Variants in SLIT3 observed in about 807,000 individuals in gnomAD.
SLIT3 encodes the protein slit guidance ligand 3, also known as slit homolog 3 protein.
In SLIT3, 68 loss-of-function variants were observed where a neutral mutation model predicts 184.0. The ratio of observed to expected loss-of-function variants is 0.37; its 90% CI spans 0.30 to 0.45. The LOEUF (loss-of-function observed/expected upper bound fraction) is 0.45. Ranked by LOEUF, SLIT3 falls within the 20% of genes least tolerant of loss-of-function variation. The pLI, the probability that SLIT3 is intolerant of heterozygous loss-of-function variation, is 1.00. For missense variants in SLIT3, 1,707 were observed against 2,026.0 expected, an observed-to-expected ratio of 0.84 and a Z score of 3.02; for synonymous variants, 831 against 828.6, an observed-to-expected ratio of 1.00 and a Z score of -0.05.
At chr5:169,003,973 C>G (rs924762865) in intron 4 of SLIT3, among the ~76,000 whole-genome samples, 1 of 152,168 alleles carries the variant, frequency 6.6e-6, no homozygotes, top group African/African-American at 2.4e-5. Context: ...ACCCAGGCCC[C>G]TGCTGACTGA....
rs1196844630 is a variant in SLIT3, at chr5:169,284,083, A to C, written c.197+16430T>G. ...CCAATAAAACAATGCTGTAAAAAAA[A>C]GGCACTGACAAAAAACAGACACAAG... On this transcript the variant is annotated intron_variant, in intron 1 of 35. Transcript: ENST00000519560. Among the ~76,000 whole-genome samples the C allele has an allele frequency of 4.6e-5, 7 of 152,368 alleles. No individual in the cohort carries two copies. In the East Asian group the frequency reaches 1.3e-3, roughly 29 times the overall value.
intron 34 of SLIT3, among the ~76,000 whole-genome samples, chr5:168,670,474 A>C (rs771679802): frequency 3.3e-5 from 5 of 152,150 alleles, no homozygotes; most frequent in Non-Finnish European, 5.9e-5. Flanking sequence ...CATTTCACCC[A>C]TGGAAAAAAA....
intron 4 of SLIT3, among the ~76,000 whole-genome samples, chr5:169,117,057 A>C (rs1324535807): frequency 1.3e-5 from 2 of 152,152 alleles, no homozygotes; most frequent in South Asian, 4.1e-4. Context: ...TCCACCAGGG[A>C]CACACAGCAA....
chr5:169,028,655 T>C (rs1337143030), intron 4 of SLIT3, among the ~76,000 whole-genome samples: 2 of 152,228 alleles, frequency 1.3e-5, no homozygotes, highest in South Asian at 2.1e-4. Flanking sequence ...CATGTCCACT[T>C]TCCTAGGAAG....
intron 5 of SLIT3, among the ~76,000 whole-genome samples, chr5:168,873,011 T>C (rs1759589491): frequency 6.6e-6 from 1 of 152,188 alleles, no homozygotes; most frequent in Admixed American, 6.5e-5. Context: ...CTTCACAGCC[T>C]GCTCCTACCT....
chr5:168,939,515 A>G (rs897290507), intron 4 of SLIT3, among the ~76,000 whole-genome samples: 18 of 152,250 alleles, frequency 1.2e-4, no homozygotes, highest in Non-Finnish European at 1.5e-5. Flanking sequence ...TGCAAACAAG[A>G]TAGAGGAAGA....
chr5:168,794,742 T>A (rs1477385017), intron 10 of SLIT3, among the ~76,000 whole-genome samples: 1 of 152,072 alleles, frequency 6.6e-6, no homozygotes, highest in Non-Finnish European at 1.5e-5. Context: ...ACAAGCCCCA[T>A]CCTCTCCCCT....
chr5:169,141,536 G>A (rs572047739), intron 4 of SLIT3, among the ~76,000 whole-genome samples: 12 of 151,614 alleles, frequency 7.9e-5, no homozygotes, highest in Admixed American at 5.3e-4. Context: ...TCAGGAGATC[G>A]AGACCATCCT....
rs59047961 is a variant in SLIT3 at position 168,952,550 on chromosome 5, A to AAAAAAAAAAAAAAAAAAAG, written c.414-69215_414-69214insCTTTTTTTTTTTTTTTTTT. Among the ~76,000 whole-genome samples the AAAAAAAAAAAAAAAAAAAG allele has an allele frequency of 6.2e-5, 8 of 128,002 alleles. 1 individual carries two copies. The highest frequency in any genetic ancestry group is 2.8e-4 in the African/African-American group (8 of 28,726). 84.0% of individuals were successfully genotyped at this position (128,002 alleles called of 152,430 possible). On this transcript the variant is annotated intron_variant, in intron 4 of 35. Coordinates refer to ENST00000519560, the MANE Select transcript of SLIT3 (RefSeq NM_003062.4). ...TGCCAAAAAAAAAAAAAAAAAAAAG[A>AAAAAAAAAAAAAAAAAAAG]GGGGAGAAGGCAAAGGGATTTAAAA...
chr5:169,068,820 A>T (rs1758443124), intron 4 of SLIT3, among the ~76,000 whole-genome samples: 1 of 146,458 alleles, frequency 6.8e-6, no homozygotes. Flanking sequence ...AACCCTCTTA[A>T]ATATCCACAT....
rs573696938 is a variant in SLIT3, at chr5:169,197,219, G to A, written c.342-3669C>T. ...GCCCACTGCTTCATAAACCCTGAATGAGGATTCTGGGACAGATGGGTGGGG... is the reference window on the plus strand; with the variant it reads ...GCCCACTGCTTCATAAACCCTGAATAAGGATTCTGGGACAGATGGGTGGGG... On this transcript the variant is annotated intron_variant, in intron 3 of 35. Coordinates refer to ENST00000519560, the MANE Select transcript of SLIT3 (RefSeq NM_003062.4). Among the ~76,000 whole-genome samples the A allele has an allele frequency of 1.5e-4, 23 of 152,278 alleles. No homozygotes were observed. The East Asian group carries it at 4.4e-3, about 29-fold the overall frequency.
At chr5:169,137,405 C>A (rs890486458) in intron 4 of SLIT3, among the ~76,000 whole-genome samples, 1 of 151,500 alleles carries the variant, frequency 6.6e-6, no homozygotes, top group Non-Finnish European at 1.5e-5. Flanking sequence ...CTATTTCCGG[C>A]AAGATCCCTG....
intron 5 of SLIT3, among the ~76,000 whole-genome samples, chr5:168,876,183 C>A (rs1759724075): frequency 6.6e-6 from 1 of 152,116 alleles, no homozygotes; most frequent in Non-Finnish European, 1.5e-5. Context: ...TGAGTCCCTG[C>A]AGTTTGACTC....
chr5:168,977,294 C>T (rs753354448), intron 4 of SLIT3, among the ~76,000 whole-genome samples: 3 of 152,156 alleles, frequency 2.0e-5, no homozygotes, highest in Non-Finnish European at 4.4e-5. Context: ...GATTGCTCTG[C>T]CTGCCCCATC....
chr5:169,098,100 A>G (rs1043042686), intron 4 of SLIT3, among the ~76,000 whole-genome samples: 6 of 152,200 alleles, frequency 3.9e-5, no homozygotes, highest in Admixed American at 1.3e-4. Context: ...GGCCTTCCCA[A>G]TGGGTATCCC....
intron 1 of SLIT3, among the ~76,000 whole-genome samples, chr5:169,280,931 C>A (rs889182038): frequency 6.6e-6 from 1 of 152,092 alleles, no homozygotes; most frequent in African/African-American, 2.4e-5. Context: ...CCAAGAGGAA[C>A]TGGACAGATG....
At chr5:169,124,650 T>C (rs1024588046) in intron 4 of SLIT3, among the ~76,000 whole-genome samples, 1 of 152,226 alleles carries the variant, frequency 6.6e-6, no homozygotes, top group African/African-American at 2.4e-5. Context: ...AGAAGTTAAA[T>C]GTTTATCGTT....
chr5:169,084,669 C>T (rs1397247710), intron 4 of SLIT3, among the ~76,000 whole-genome samples: 3 of 152,134 alleles, frequency 2.0e-5, no homozygotes, highest in Non-Finnish European at 4.4e-5. Context: ...AAAAACAAAA[C>T]CAAAAACCAG....
intron 7 of SLIT3, among the ~76,000 whole-genome samples, chr5:168,822,565 C>A (rs1012066369): frequency 6.6e-6 from 1 of 152,038 alleles, no homozygotes; most frequent in Non-Finnish European, 1.5e-5. Flanking sequence ...CAAAGAGGTT[C>A]CTGACTGGGA....
Sources: allele counts gnomAD v4.1 joint callset (sites outside exome capture counted in the v4.1 genomes callset), GRCh38; gene constraint gnomAD v4.1.1; transcripts MANE v1.5; gene names NCBI Gene and HGNC (gene_info 2026-07-23, HGNC 2026-07-21).